NHEJ1: variants seen among roughly 807,000 people sequenced by gnomAD.
NHEJ1 encodes non-homologous end-joining factor 1.
A neutral mutation model predicts 39.4 loss-of-function variants in NHEJ1; 22 were observed. The observed-to-expected ratio is 0.56, with a 90% CI of 0.40 to 0.80. NHEJ1 has a LOEUF of 0.80. NHEJ1 is among the 30% of genes least tolerant of loss of function. NHEJ1 has a pLI of 0.00. For missense variants in NHEJ1, 329 were observed against 357.1 expected (o/e 0.92, Z 0.63); for synonymous variants, 154 against 135.6 (o/e 1.14, Z -0.94).
chr2:219,086,007 C>T (rs544584360), intron 5 of NHEJ1, among the ~76,000 whole-genome samples: 118 of 152,050 alleles, frequency 7.8e-4, no homozygotes, highest in Non-Finnish European at 1.5e-3. Flanking sequence ...ACTGCAGGGT[C>T]AGAAGAGGAG....
chr2:219,141,379 CA>C (rs1351205366), intron 5 of NHEJ1, among the ~76,000 whole-genome samples: 122 of 78,238 alleles, frequency 1.6e-3, no homozygotes, highest in Non-Finnish European at 1.7e-3. Flanking sequence ...GACTTGGTCT[CA>C]AAAAAAAAAA....
Position 219,158,364 on chromosome 2 carries a change from T to C in NHEJ1, c.1-2A>G. ...CAGGCCTTGCTCCAGTTCTTCCATC[T>C]GCAAAAAAGTCCTCATTTAGTAAAG... On this transcript the variant is annotated splice_acceptor_variant, in intron 1 of 7. Transcript: ENST00000356853. LOFTEE classifies it low-confidence loss of function (5UTR_SPLICE). 1.9e-6 allele frequency: 3 copies of C among 1,614,000 alleles called. No homozygotes were observed. Among genetic ancestry groups the C allele is most frequent in the Non-Finnish European group, 2.5e-6 (3 of 1,180,020 alleles).
intron 5 of NHEJ1, among the ~76,000 whole-genome samples, chr2:219,118,676 C>G (rs940152576): frequency 2.6e-5 from 4 of 152,150 alleles, no homozygotes; most frequent in Admixed American, 6.5e-5. Flanking sequence ...ATATATAGAA[C>G]CAGGAACCAA....
chr2:219,127,910 A>T (rs1015958263), intron 5 of NHEJ1, among the ~76,000 whole-genome samples: 6 of 152,210 alleles, frequency 3.9e-5, no homozygotes, highest in African/African-American at 1.4e-4. Context: ...CTGGAAAATA[A>T]ACCTTTAGTC....
intron 5 of NHEJ1, among the ~76,000 whole-genome samples, chr2:219,106,054 C>T (rs1435670715): frequency 6.6e-6 from 1 of 152,124 alleles, no homozygotes; most frequent in Non-Finnish European, 1.5e-5. Context: ...TAATAAGGCA[C>T]CAGCATATAC....
rs183112373 is a variant in NHEJ1 at position 219,086,110 on chromosome 2, G to C, written c.589-7904C>G. Among the ~76,000 whole-genome samples, 74 of 152,274 alleles carry C rather than the reference G, an allele frequency of 4.9e-4. 2 individuals carry two copies. Among genetic ancestry groups the C allele is most frequent in the Non-Finnish European group, 4.9e-4 (33 of 68,018 alleles). On this transcript the variant is annotated intron_variant, in intron 5 of 7. Coordinates refer to ENST00000356853, the MANE Select transcript of NHEJ1 (RefSeq NM_024782.3). ...CTTTGTAAATGCTTTCTATGTGCTA[G>C]GTACTAGGCTATGCATTTTGACACA...
Position 219,076,324 on chromosome 2 carries a change from G to A in NHEJ1, c.*57C>T, listed in dbSNP as rs1350950200. ...TTGCTGCCATGTAAGCTTCTTTCAA[G>A]GTGAAGCTTGGAAGCTGTTCTCCAA... is the stretch of plus-strand genomic sequence containing the variant. On this transcript the variant is annotated 3_prime_UTR_variant, in exon 8 of 8. Coordinates refer to ENST00000356853, the MANE Select transcript of NHEJ1 (RefSeq NM_024782.3). 6.2e-7 allele frequency: 1 copy of A among 1,613,962 alleles called. No homozygotes were observed. The highest frequency in any genetic ancestry group is 8.5e-7 in the Non-Finnish European group (1 of 1,179,978).
intron 5 of NHEJ1, 94 bp from the exon 6 acceptor site, chr2:219,078,300 GAATT>G: frequency 9.4e-7 from 1 of 1,068,564 alleles, no homozygotes; most frequent in Non-Finnish European, 1.4e-6. Flanking sequence ...AACCCCAAAT[GAATT>G]AATATAAAGC....
At chr2:219,151,473 A>C (rs1221331628) in intron 3 of NHEJ1, among the ~76,000 whole-genome samples, 1 of 152,214 alleles carries the variant, frequency 6.6e-6, no homozygotes, top group Admixed American at 6.5e-5. Flanking sequence ...TATCTATCAG[A>C]CCCCAATGTC....
chr2:219,129,828 C>T (rs1450368172), intron 5 of NHEJ1, among the ~76,000 whole-genome samples: 3 of 152,234 alleles, frequency 2.0e-5, no homozygotes, highest in Non-Finnish European at 2.9e-5. Context: ...CACCTTCACC[C>T]GTTCGACAGC....
At chr2:219,149,887 G>A (rs778273208) in intron 3 of NHEJ1, among the ~76,000 whole-genome samples, 8 of 152,328 alleles carry the variant, frequency 5.3e-5, no homozygotes, top group Non-Finnish European at 8.8e-5. Context: ...AAATCAAGTG[G>A]CTGTGTTCCA....
chr2:219,119,758 T>C (rs1949453947), intron 5 of NHEJ1, among the ~76,000 whole-genome samples: 1 of 152,206 alleles, frequency 6.6e-6, no homozygotes, highest in South Asian at 2.1e-4. Flanking sequence ...ATAATTTCTA[T>C]TAAAGAGAGT....
At chr2:219,123,869 C>T (rs760160710) in intron 5 of NHEJ1, among the ~76,000 whole-genome samples, 8 of 152,166 alleles carry the variant, frequency 5.3e-5, no homozygotes, top group South Asian at 2.1e-4. Context: ...TACTCTCAGG[C>T]GCTGTGTTCT....
rs563844942 is a variant in NHEJ1 at position 219,073,954 on chromosome 2, AGCCTGGCTAG to A, written c.*2417_*2426del. On this transcript the variant is annotated 3_prime_UTR_variant, in exon 8 of 8. Transcript: ENST00000356853. ...AAGCCAGGGGGCAGGGCTGGAATAC[AGCCTGGCTAG>A]GCCAATTTGTCAAAGCAGGGATTTC... Among the ~76,000 whole-genome samples the A allele has an allele frequency of 2.6e-5, 4 of 152,386 alleles. No homozygotes were observed. Among genetic ancestry groups the A allele is most frequent in the African/African-American group, 9.6e-5 (4 of 41,588 alleles).
At chr2:219,152,039 T>C (rs1949801260) in intron 3 of NHEJ1, among the ~76,000 whole-genome samples, 1 of 152,106 alleles carries the variant, frequency 6.6e-6, no homozygotes, top group Non-Finnish European at 1.5e-5. Context: ...AGGAAAAATC[T>C]TGAAGGGCTT....
At chr2:219,078,256 A>G (rs1390713304) in intron 5 of NHEJ1, 50 bp from the exon 6 acceptor site, 1 of 1,477,436 alleles carries the variant, frequency 6.8e-7, no homozygotes, top group East Asian at 2.3e-5. Context: ...TTGCTAGAGA[A>G]GCGATCTAAT....
chr2:219,141,843 T>C (rs1025128963), intron 5 of NHEJ1, among the ~76,000 whole-genome samples: 1 of 151,998 alleles, frequency 6.6e-6, no homozygotes, highest in Non-Finnish European at 1.5e-5. Context: ...CACTAACCTT[T>C]AAGAGGCAGG....
chr2:219,160,443 G>A (rs1949922204), intron 1 of NHEJ1: 1 of 152,260 alleles, frequency 6.6e-6, no homozygotes, highest in African/African-American at 2.4e-5. Flanking sequence ...ACTGGGGCGC[G>A]GCTTCAAGGG....
At chr2:219,106,832 CCA>C (rs1242784008) in intron 5 of NHEJ1, among the ~76,000 whole-genome samples, 5 of 152,146 alleles carry the variant, frequency 3.3e-5, no homozygotes, top group African/African-American at 9.7e-5. Flanking sequence ...AACTGGAATC[CCA>C]CAGTTTGGTA....
Sources: allele counts gnomAD v4.1 joint callset (sites outside exome capture counted in the v4.1 genomes callset), GRCh38; gene constraint gnomAD v4.1.1; transcripts MANE v1.5; gene names NCBI Gene and HGNC (gene_info 2026-07-23, HGNC 2026-07-21).